The following FOXP1 variants were observed in gnomAD, a reference collection of about 807,000 sequenced individuals.
The protein encoded by FOXP1 is forkhead box P1, also known as forkhead box protein P1.
In FOXP1, 15 loss-of-function variants were observed where a neutral mutation model predicts 98.2. That is an observed-to-expected ratio of 0.15 (90% CI 0.10 to 0.24). The LOEUF (loss-of-function observed/expected upper bound fraction) is 0.24, where lower values mean the gene tolerates loss of function less well. Among genes scored for constraint, FOXP1 ranks in the 10% least tolerant of loss-of-function variants. The pLI is 1.00. For synonymous variants in FOXP1, 371 were observed against 314.5 expected, an observed-to-expected ratio of 1.18 and a Z score of -1.90; for missense variants, 633 against 848.5, an observed-to-expected ratio of 0.75 and a Z score of 3.15.
At chr3:71,178,947 G>A (rs1479061161) in intron 6 of FOXP1, among the ~76,000 whole-genome samples, 8 of 149,058 alleles carry the variant, frequency 5.4e-5, no homozygotes, top group African/African-American at 2.0e-4. Flanking sequence ...GTGCATGCCT[G>A]TAATCCCAGC....
intron 4 of FOXP1, among the ~76,000 whole-genome samples, chr3:71,327,523 G>C (rs1221795346): frequency 6.7e-6 from 1 of 150,178 alleles, no homozygotes; most frequent in Non-Finnish European, 1.5e-5. Flanking sequence ...GAGTAGCTGG[G>C]ACTACAGGCG....
intron 11 of FOXP1, among the ~76,000 whole-genome samples, chr3:71,015,961 G>A (rs779422719): frequency 6.6e-6 from 1 of 152,144 alleles, no homozygotes; most frequent in Admixed American, 6.5e-5. Flanking sequence ...TAAAAAGCTA[G>A]AACTTATTTA....
intron 20 of FOXP1, among the ~76,000 whole-genome samples, chr3:70,960,354 A>T (rs1420260621): frequency 1.3e-5 from 2 of 152,160 alleles, no homozygotes; most frequent in Non-Finnish European, 2.9e-5. Flanking sequence ...GGTAGCAGCC[A>T]CTGGGATGAG....
intron 3 of FOXP1, among the ~76,000 whole-genome samples, chr3:71,489,985 A>G (rs1048544905): frequency 6.6e-6 from 1 of 152,198 alleles, no homozygotes. Flanking sequence ...ATTAGAGTTT[A>G]TTTCAAGCCT....
At chr3:71,172,245 G>C (rs982395244) in intron 6 of FOXP1, among the ~76,000 whole-genome samples, 3 of 151,994 alleles carry the variant, frequency 2.0e-5, no homozygotes, top group Admixed American at 1.3e-4. Context: ...TAAAGGAAAA[G>C]AACAAAAATC....
At chr3:71,039,333 T>C (rs2048023439) in intron 11 of FOXP1, among the ~76,000 whole-genome samples, 1 of 152,108 alleles carries the variant, frequency 6.6e-6, no homozygotes, top group South Asian at 2.1e-4. Context: ...AAAAAAAAAT[T>C]CAAACAAACT....
At chr3:71,398,960 A>G (rs1283079121) in intron 3 of FOXP1, among the ~76,000 whole-genome samples, 1 of 152,228 alleles carries the variant, frequency 6.6e-6, no homozygotes, top group East Asian at 1.9e-4. Context: ...GTAATGGCAC[A>G]CCACTTTATG....
intron 4 of FOXP1, among the ~76,000 whole-genome samples, chr3:71,307,922 A>C (rs1392191730): frequency 6.6e-6 from 1 of 152,236 alleles, no homozygotes. Flanking sequence ...TAATGAGGAC[A>C]GTGAAATAAA....
intron 2 of FOXP1, among the ~76,000 whole-genome samples, chr3:71,501,507 A>G (rs2041357319): frequency 1.3e-5 from 2 of 151,966 alleles, no homozygotes. Flanking sequence ...GTTGGCCAGG[A>G]TGGTCTCAAT....
intron 7 of FOXP1, among the ~76,000 whole-genome samples, chr3:71,057,051 T>C (rs1283533403): frequency 6.6e-6 from 1 of 152,160 alleles, no homozygotes; most frequent in Non-Finnish European, 1.5e-5. Flanking sequence ...TCTTAACCTA[T>C]TGATCACTGT....
intron 2 of FOXP1, among the ~76,000 whole-genome samples, chr3:71,501,574 G>A (rs959152348): frequency 8.5e-5 from 13 of 152,112 alleles, no homozygotes; most frequent in Non-Finnish European, 8.8e-5. Flanking sequence ...TTATAGGCGT[G>A]AGCCACCGTG....
At chr3:71,556,976 G>A (rs2046189266) in intron 2 of FOXP1, among the ~76,000 whole-genome samples, 1 of 151,138 alleles carries the variant, frequency 6.6e-6, no homozygotes, top group Admixed American at 6.6e-5. Flanking sequence ...CATGCTTACA[G>A]AGAATATTCA....
chr3:71,241,171 T>C (rs913911860), intron 5 of FOXP1, among the ~76,000 whole-genome samples: 4 of 151,404 alleles, frequency 2.6e-5, no homozygotes, highest in Non-Finnish European at 4.4e-5. Context: ...GATCCCACCA[T>C]TGCACTCTAG....
intron 7 of FOXP1, among the ~76,000 whole-genome samples, chr3:71,057,583 A>G (rs914646339): frequency 6.6e-6 from 1 of 152,070 alleles, no homozygotes; most frequent in South Asian, 2.1e-4. Flanking sequence ...ATGAAGAACT[A>G]GAATGATTCT....
intron 6 of FOXP1, among the ~76,000 whole-genome samples, chr3:71,170,283 G>A (rs957094663): frequency 5.9e-5 from 9 of 152,160 alleles, no homozygotes; most frequent in African/African-American, 9.6e-5. Context: ...CAACAATGAC[G>A]CTCCCCCCAC....
At chr3:71,450,267 CCT>C (rs1193575194) in intron 3 of FOXP1, among the ~76,000 whole-genome samples, 6 of 152,202 alleles carry the variant, frequency 3.9e-5, no homozygotes, top group Non-Finnish European at 5.9e-5. Flanking sequence ...TGTTTCTGTA[CCT>C]CCATGCTGGC....
chr3:71,432,579 T>C (rs1334177465), intron 3 of FOXP1, among the ~76,000 whole-genome samples: 1 of 152,148 alleles, frequency 6.6e-6, no homozygotes. Flanking sequence ...GGGCAGGGCC[T>C]GGGCTGGCTC....
In FOXP1 at chr3:71,158,111, G is replaced by GGGAGGGAGGGAA. The variant is rs1553762371; in HGVS notation, c.180+40090_180+40091insTTCCCTCCCTCC. Among the ~76,000 whole-genome samples the GGGAGGGAGGGAA allele has an allele frequency of 1.9e-3, 110 of 57,962 alleles. 2 individuals are homozygous for GGGAGGGAGGGAA. The highest frequency in any genetic ancestry group is 2.8e-3 in the Admixed American group (16 of 5,708). 38.0% of individuals were successfully genotyped at this position (57,962 alleles called of 152,430 possible). On this transcript the variant is annotated intron_variant, in intron 6 of 20. Transcript: ENST00000649528. ...AGGAAGGAAGGAAGGAAGGAAGGGA[G>GGGAGGGAGGGAA]GGAGGGAGGGAGGGAGGGAGGGAGG... is the stretch of plus-strand genomic sequence containing the variant.
At chr3:71,253,497 CCAT>C (rs904341371) in intron 5 of FOXP1, among the ~76,000 whole-genome samples, 34 of 152,180 alleles carry the variant, frequency 2.2e-4, no homozygotes, top group African/African-American at 7.5e-4. Flanking sequence ...TACTTAGCTA[CCAT>C]CATCATCATC....
Sources: allele counts gnomAD v4.1 joint callset (sites outside exome capture counted in the v4.1 genomes callset), GRCh38; gene constraint gnomAD v4.1.1; transcripts MANE v1.5; gene names NCBI Gene and HGNC (gene_info 2026-07-23, HGNC 2026-07-21).